The following ANK3 variants were observed in gnomAD, a reference collection of about 807,000 sequenced individuals.
ANK3 encodes ankyrin-3.
In ANK3, 57 loss-of-function variants were observed where a neutral mutation model predicts 370.9. The ratio of observed to expected loss-of-function variants is 0.15; its 90% CI spans 0.12 to 0.19. The LOEUF is 0.19. ANK3 is among the 10% of genes least tolerant of loss of function. ANK3 has a pLI of 1.00. For synonymous variants in ANK3, 1,929 were observed against 1,946.3 expected, an observed-to-expected ratio of 0.99 and a Z score of 0.23; for missense variants, 4,439 against 5,302.1, an observed-to-expected ratio of 0.84 and a Z score of 5.06.
At chr10:60,442,208 G>T (rs1289465384) in intron 2 of ANK3, among the ~76,000 whole-genome samples, 3 of 149,748 alleles carry the variant, frequency 2.0e-5, no homozygotes, top group Non-Finnish European at 4.4e-5. Context: ...CAATTCTCCT[G>T]TCTCGGCCTT....
chr10:60,280,982 G>A (rs1378102543), intron 1 of ANK3, among the ~76,000 whole-genome samples: 2 of 152,200 alleles, frequency 1.3e-5, no homozygotes, highest in African/African-American at 4.8e-5. Context: ...AAGCAGAGGA[G>A]GCAGATTAAG....
rs2079045165 is a variant in ANK3 at position 60,055,706 on chromosome 10, T to A, written c.13017A>T (p.Pro4339=). The A allele has an allele frequency of 6.2e-7, 1 of 1,614,004 alleles. No individual in the cohort carries two copies. Among genetic ancestry groups the A allele is most frequent in the Non-Finnish European group, 8.5e-7 (1 of 1,180,018 alleles). The change falls in exon 42 of 44, where the codon CCA becomes CCT. Residue 4339 remains proline (P), a synonymous_variant. Transcript: ENST00000280772. ...CCTCTTCTTCATGGAGGCTAAGCCTTGGCTTGCCATCTGCTGGAGAAGTCC... is the reference window on the plus strand; with the variant it reads ...CCTCTTCTTCATGGAGGCTAAGCCTAGGCTTGCCATCTGCTGGAGAAGTCC... ...MSRTSPADGK[P]RLSLHEEEGS...
At chr10:60,668,997 A>G (rs2079033468) in intron 1 of ANK3, among the ~76,000 whole-genome samples, 1 of 152,152 alleles carries the variant, frequency 6.6e-6, no homozygotes, top group African/African-American at 2.4e-5. Flanking sequence ...CATCTCAAAA[A>G]AAAAAAAATT....
intron 2 of ANK3, among the ~76,000 whole-genome samples, chr10:60,505,919 T>C (rs755092587): frequency 7.2e-5 from 11 of 152,066 alleles, no homozygotes; most frequent in Non-Finnish European, 1.2e-4. Flanking sequence ...ATGGCGAATA[T>C]CACTGTGTGG....
At chr10:60,331,815 G>A (rs1226622724) in intron 1 of ANK3, among the ~76,000 whole-genome samples, 2 of 152,062 alleles carry the variant, frequency 1.3e-5, no homozygotes, top group Non-Finnish European at 2.9e-5. Context: ...TTAATTTATT[G>A]CAAGAAGCAA....
intron 2 of ANK3, among the ~76,000 whole-genome samples, chr10:60,403,153 G>C (rs536558125): frequency 6.6e-6 from 1 of 152,100 alleles, no homozygotes; most frequent in Admixed American, 6.5e-5. Context: ...AGATGAAAAG[G>C]AAAATCTAAG....
chr10:60,370,469 A>G (rs1246559076), intron 1 of ANK3, among the ~76,000 whole-genome samples: 1 of 152,128 alleles, frequency 6.6e-6, no homozygotes, highest in Non-Finnish European at 1.5e-5. Context: ...AATATATAAA[A>G]ATCACTATTC....
At chr10:60,654,611 A>C (rs1035051741) in intron 1 of ANK3, among the ~76,000 whole-genome samples, 2 of 152,222 alleles carry the variant, frequency 1.3e-5, no homozygotes, top group African/African-American at 2.4e-5. Flanking sequence ...TCTGAATGTT[A>C]AACTTGCTTT....
At chr10:60,668,509 T>G (rs1262338509) in intron 1 of ANK3, among the ~76,000 whole-genome samples, 1 of 152,110 alleles carries the variant, frequency 6.6e-6, no homozygotes. Context: ...GGGGGTGGGC[T>G]TTTCTTGCTA....
At chr10:60,117,886 T>C (rs1034166183) in intron 25 of ANK3, among the ~76,000 whole-genome samples, 3 of 152,132 alleles carry the variant, frequency 2.0e-5, no homozygotes, top group African/African-American at 7.2e-5. Context: ...CATAACAAGA[T>C]AAGCATCAAA....
chr10:60,538,012 T>G (rs983199716), intron 2 of ANK3, among the ~76,000 whole-genome samples: 2 of 152,050 alleles, frequency 1.3e-5, no homozygotes, highest in East Asian at 3.9e-4. Flanking sequence ...TTTTAAAATT[T>G]GAGCACATCA....
Position 60,260,682 on chromosome 10 carries a change from G to A in ANK3, c.798+1177C>T, listed in dbSNP as rs189885586. On this transcript the variant is annotated intron_variant, in intron 7 of 43. Coordinates refer to ENST00000280772, the MANE Select transcript of ANK3 (RefSeq NM_020987.5). The stretch of plus-strand genomic sequence containing the variant: ...TGGTGCTGTCCTTGTGATAGTGAGG[G>A]AGTTCTCATGAGACCTGGTCATTTA... Among the ~76,000 whole-genome samples the A allele has an allele frequency of 2.0e-5, 3 of 152,240 alleles. No homozygotes were observed. The East Asian group carries it at 5.8e-4, about 29-fold the overall frequency.
chr10:60,303,334 A>AG (rs398013711), intron 1 of ANK3, among the ~76,000 whole-genome samples: 2 of 152,106 alleles, frequency 1.3e-5, no homozygotes, highest in Non-Finnish European at 2.9e-5. Context: ...TATCCAAAAA[A>AG]TATAATGAAT....
At chr10:60,454,443 C>T (rs1196032282) in intron 2 of ANK3, among the ~76,000 whole-genome samples, 1 of 152,120 alleles carries the variant, frequency 6.6e-6, no homozygotes, top group African/African-American at 2.4e-5. Flanking sequence ...CTTAGAATCT[C>T]TCCTGTGTCT....
intron 9 of ANK3, 55 bp from the exon 10 acceptor site, chr10:60,208,288 G>A (rs1591755427): frequency 4.0e-6 from 6 of 1,511,022 alleles, no homozygotes; most frequent in East Asian, 2.3e-5. Context: ...ACACAAATGT[G>A]CAGAACACAA....
intron 24 of ANK3, chr10:60,137,248 C>A: frequency 4.0e-6 from 1 of 252,378 alleles, no homozygotes; most frequent in Non-Finnish European, 8.1e-6. Context: ...CAGCACATCA[C>A]AGCACATCAC....
chr10:60,146,150 G>C (rs2094812142), intron 23 of ANK3: 1 of 1,307,910 alleles, frequency 7.6e-7, no homozygotes, highest in Non-Finnish European at 1.0e-6. Flanking sequence ...CTGCCATGTA[G>C]ATACGAAGAT....
At chr10:60,514,415 A>T (rs79195719) in intron 2 of ANK3, among the ~76,000 whole-genome samples, 12,170 of 152,176 alleles carry the variant, frequency 0.08, 616 homozygotes, top group South Asian at 0.17. Flanking sequence ...AGAATGGCCC[A>T]GGTGAACTGG....
At chr10:60,530,679 T>A (rs1026474108) in intron 2 of ANK3, among the ~76,000 whole-genome samples, 5 of 152,136 alleles carry the variant, frequency 3.3e-5, no homozygotes, top group Non-Finnish European at 5.9e-5. Flanking sequence ...TGGGCACCCC[T>A]AACCTGAAGA....
Sources: allele counts gnomAD v4.1 joint callset (sites outside exome capture counted in the v4.1 genomes callset), GRCh38; gene constraint gnomAD v4.1.1; transcripts MANE v1.5; gene names NCBI Gene and HGNC (gene_info 2026-07-23, HGNC 2026-07-21).